The following RCAN2 variants were observed in gnomAD, a reference collection of about 807,000 sequenced individuals.
The protein encoded by RCAN2 is regulator of calcineurin 2.
A neutral mutation model predicts 23.6 loss-of-function variants in RCAN2; 9 were observed. The observed-to-expected ratio is 0.38, with a 90% CI of 0.23 to 0.67. The LOEUF (loss-of-function observed/expected upper bound fraction) is 0.67. Among genes scored for constraint, RCAN2 ranks in the 30% least tolerant of loss-of-function variants. The probability of loss-of-function intolerance (pLI) is 0.51; values close to 1 mark genes in which losing one functional copy is unlikely to be tolerated. For missense variants in RCAN2, 273 were observed against 302.3 expected (o/e 0.90, Z 0.72); for synonymous variants, 109 against 115.7 (o/e 0.94, Z 0.37).
intron 2 of RCAN2, among the ~76,000 whole-genome samples, chr6:46,391,558 T>C (rs538636748): frequency 1.4e-4 from 21 of 152,304 alleles, no homozygotes; most frequent in Non-Finnish European, 2.1e-4. Context: ...TCTCCTTTAG[T>C]AGACAATTTG....
At chr6:46,275,814 T>A (rs986431797) in intron 2 of RCAN2, among the ~76,000 whole-genome samples, 4 of 152,198 alleles carry the variant, frequency 2.6e-5, no homozygotes, top group African/African-American at 9.6e-5. Context: ...ACCAGAAAGT[T>A]TCTTAAAGTA....
chr6:46,445,735 TA>T (rs1767686038), intron 2 of RCAN2, among the ~76,000 whole-genome samples: 1 of 152,090 alleles, frequency 6.6e-6, no homozygotes, highest in African/African-American at 2.4e-5. Context: ...GTTGAATTAT[TA>T]AAAAAATTCT....
intron 2 of RCAN2, among the ~76,000 whole-genome samples, chr6:46,354,037 A>T (rs112961333): frequency 0.018 from 2,731 of 152,272 alleles, 89 homozygotes; most frequent in African/African-American, 0.061. Flanking sequence ...ACAAACCAGA[A>T]TATATTTTGT....
At chr6:46,435,884 T>C (rs1471269770) in intron 2 of RCAN2, among the ~76,000 whole-genome samples, 1 of 152,202 alleles carries the variant, frequency 6.6e-6, no homozygotes, top group Non-Finnish European at 1.5e-5. Flanking sequence ...TCTTTGTAAC[T>C]ATACATCAAA....
intron 2 of RCAN2, among the ~76,000 whole-genome samples, chr6:46,394,549 C>T (rs1165381117): frequency 1.3e-5 from 2 of 152,050 alleles, no homozygotes; most frequent in African/African-American, 2.4e-5. Context: ...CTTCCTTGAC[C>T]GAGATATTGC....
chr6:46,296,946 T>C (rs1459947086), intron 2 of RCAN2, among the ~76,000 whole-genome samples: 2 of 152,174 alleles, frequency 1.3e-5, no homozygotes, highest in Admixed American at 6.5e-5. Flanking sequence ...GGTCAGGTCC[T>C]GTCTCTTTCC....
chr6:46,434,374 GAGAC>G (rs1582198706), intron 2 of RCAN2, among the ~76,000 whole-genome samples: 1 of 152,298 alleles, frequency 6.6e-6, no homozygotes, highest in African/African-American at 2.4e-5. Context: ...AGCAAACTCA[GAGAC>G]AGGTCTCCTG....
At chr6:46,437,512 G>A (rs1767408959) in intron 2 of RCAN2, among the ~76,000 whole-genome samples, 1 of 152,128 alleles carries the variant, frequency 6.6e-6, no homozygotes, top group Admixed American at 6.5e-5. Context: ...AGATAATAAG[G>A]AAACTTTTAT....
chr6:46,311,155 C>T (rs771828865), intron 2 of RCAN2, among the ~76,000 whole-genome samples: 6 of 152,158 alleles, frequency 3.9e-5, no homozygotes, highest in African/African-American at 7.2e-5. Flanking sequence ...TTCCAGCCCA[C>T]GCTGGTCTGG....
chr6:46,427,956 T>G lies in RCAN2; in HGVS notation c.225+28796A>C, dbSNP rs562947586. Among the ~76,000 whole-genome samples, 4 of 152,082 alleles carry G rather than the reference T, an allele frequency of 2.6e-5. No individual in the cohort carries two copies. The South Asian group carries it at 8.3e-4, about 32-fold the overall frequency. On this transcript the variant is annotated intron_variant, in intron 2 of 4. Coordinates refer to ENST00000371374, the MANE Select transcript of RCAN2 (RefSeq NM_001251974.2). Reference sequence around the variant, plus strand: ...CATTTCAGCTACAGGATGAATCTGTTAGGGCTAAGCTAGGACCACAATTCA... The same window carrying G: ...CATTTCAGCTACAGGATGAATCTGTGAGGGCTAAGCTAGGACCACAATTCA...
At chr6:46,395,874 T>C (rs1027168341) in intron 2 of RCAN2, among the ~76,000 whole-genome samples, 11 of 152,160 alleles carry the variant, frequency 7.2e-5, no homozygotes, top group Admixed American at 6.5e-4. Flanking sequence ...AAATTCTAAC[T>C]GAACAAGCTG....
chr6:46,327,398 A>G (rs544182448), intron 2 of RCAN2, among the ~76,000 whole-genome samples: 1 of 152,228 alleles, frequency 6.6e-6, no homozygotes, highest in Non-Finnish European at 1.5e-5. Flanking sequence ...CAGACTAGAA[A>G]TGTCCAAAGG....
At chr6:46,280,777 G>GTA (rs1767880638) in intron 2 of RCAN2, among the ~76,000 whole-genome samples, 1 of 152,028 alleles carries the variant, frequency 6.6e-6, no homozygotes, top group Non-Finnish European at 1.5e-5. Context: ...AAAGAAGTTG[G>GTA]GTATTAATTA....
intron 2 of RCAN2, among the ~76,000 whole-genome samples, chr6:46,363,734 T>C (rs1182584041): frequency 3.3e-5 from 5 of 152,154 alleles, no homozygotes; most frequent in African/African-American, 1.2e-4. Flanking sequence ...ATTTAGTTTA[T>C]AGAGGTATAA....
intron 2 of RCAN2, among the ~76,000 whole-genome samples, chr6:46,315,591 T>A: frequency 6.6e-6 from 1 of 151,636 alleles, no homozygotes; most frequent in Middle Eastern, 3.2e-3. Context: ...GGAGATGAGG[T>A]CAGCAGGGCT....
chr6:46,325,867 C>G (rs969724523), intron 2 of RCAN2: 1 of 985,328 alleles, frequency 1.0e-6, no homozygotes, highest in Non-Finnish European at 1.2e-6. Flanking sequence ...GCTGTTGTTG[C>G]AGCCGAGTGC....
At chr6:46,393,173 A>AAGGGCTCCCTAATATGTTTT (rs1459301310) in intron 2 of RCAN2, among the ~76,000 whole-genome samples, 2 of 152,204 alleles carry the variant, frequency 1.3e-5, no homozygotes, top group African/African-American at 4.8e-5. Context: ...CTTGACCTTT[A>AAGGGCTCCCTAATATGTTTT]AGGGCTCCCT....
intron 2 of RCAN2, among the ~76,000 whole-genome samples, chr6:46,373,851 C>G (rs2150390203): frequency 6.6e-6 from 1 of 152,256 alleles, no homozygotes; most frequent in South Asian, 2.1e-4. Flanking sequence ...ACTCCCTTCC[C>G]CTTAGAACCA....
intron 2 of RCAN2, among the ~76,000 whole-genome samples, chr6:46,373,307 C>T (rs749878350): frequency 6.6e-6 from 1 of 152,028 alleles, no homozygotes; most frequent in Non-Finnish European, 1.5e-5. Context: ...CTCTGTTGCC[C>T]AGGCTGGTGT....
Sources: allele counts gnomAD v4.1 joint callset (sites outside exome capture counted in the v4.1 genomes callset), GRCh38; gene constraint gnomAD v4.1.1; transcripts MANE v1.5; gene names NCBI Gene and HGNC (gene_info 2026-07-23, HGNC 2026-07-21).